Variants in NRP1 observed in about 807,000 individuals in gnomAD.
NRP1 encodes the protein neuropilin 1, also known as neuropilin-1.
NRP1 carries 35 observed loss-of-function variants against 106.7 expected under a neutral mutation model. The observed-to-expected ratio is 0.33, with a 90% CI of 0.25 to 0.43. The LOEUF (loss-of-function observed/expected upper bound fraction) is 0.43, where lower values mean the gene tolerates loss of function less well. Ranked by LOEUF, NRP1 falls within the 20% of genes least tolerant of loss-of-function variation. NRP1 has a pLI of 1.00. For missense variants in NRP1, 1,024 were observed against 1,170.4 expected (o/e 0.87, Z 1.83); for synonymous variants, 437 against 417.9 (o/e 1.05, Z -0.56).
intron 2 of NRP1, among the ~76,000 whole-genome samples, chr10:33,308,555 C>T (rs531324771): frequency 1.3e-5 from 2 of 152,028 alleles, no homozygotes; most frequent in African/African-American, 2.4e-5. Flanking sequence ...GGCGCGATCT[C>T]GGCTCACTGC....
chr10:33,313,413 G>C (rs988163302), intron 2 of NRP1, among the ~76,000 whole-genome samples: 1 of 152,032 alleles, frequency 6.6e-6, no homozygotes, highest in African/African-American at 2.4e-5. Flanking sequence ...TCAGCTGTCA[G>C]AAAAGACATC....
chr10:33,286,072 C>T (rs1384040072), intron 2 of NRP1, among the ~76,000 whole-genome samples: 1 of 152,176 alleles, frequency 6.6e-6, no homozygotes, highest in Non-Finnish European at 1.5e-5. Flanking sequence ...GCATGACAGC[C>T]TTACAGTTAT....
intron 6 of NRP1, among the ~76,000 whole-genome samples, chr10:33,244,034 T>C (rs1044857080): frequency 2.6e-5 from 4 of 151,782 alleles, no homozygotes; most frequent in African/African-American, 9.7e-5. Context: ...TGGATCAAAA[T>C]TGCCATTTTG....
At chr10:33,225,543 G>C (rs1352274956) in intron 7 of NRP1, among the ~76,000 whole-genome samples, 1 of 152,192 alleles carries the variant, frequency 6.6e-6, no homozygotes, top group Non-Finnish European at 1.5e-5. Flanking sequence ...AAATGAGCTA[G>C]GGCAGAGCGC....
chr10:33,280,975 GA>G (rs1364391424), intron 2 of NRP1, among the ~76,000 whole-genome samples: 247 of 106,714 alleles, frequency 2.3e-3, no homozygotes, highest in East Asian at 5.9e-3. Flanking sequence ...TGTCTCAAAA[GA>G]AAAAAAAAAA....
At chr10:33,321,767 C>G (rs545122712) in intron 2 of NRP1, among the ~76,000 whole-genome samples, 1 of 152,260 alleles carries the variant, frequency 6.6e-6, no homozygotes, top group East Asian at 1.9e-4. Flanking sequence ...TTGCTATCTT[C>G]GGCTATTCTG....
In NRP1 at chr10:33,200,420, C is replaced by T. The variant is rs551332059; in HGVS notation, c.1864+2471G>A. The stretch of plus-strand genomic sequence containing the variant: ...ATTTCCATGCATTTGGTACAGTACA[C>T]CTGGAATTTGGTGTGGTTTGTAAGT... On this transcript the variant is annotated intron_variant, in intron 11 of 16. Coordinates refer to ENST00000374867, the MANE Select transcript of NRP1 (RefSeq NM_003873.7). Among the ~76,000 whole-genome samples, 6 of 152,258 alleles carry T rather than the reference C, an allele frequency of 3.9e-5. No homozygotes were observed. The East Asian group carries it at 9.6e-4, about 24-fold the overall frequency.
At chr10:33,204,155 A>T (rs983849505) in intron 10 of NRP1, among the ~76,000 whole-genome samples, 1 of 152,108 alleles carries the variant, frequency 6.6e-6, no homozygotes, top group Non-Finnish European at 1.5e-5. Context: ...ATGGCTGAGA[A>T]CCATACAAGA....
At chr10:33,312,453 C>T (rs138324936) in intron 2 of NRP1, among the ~76,000 whole-genome samples, 30 of 152,284 alleles carry the variant, frequency 2.0e-4, no homozygotes, top group African/African-American at 7.0e-4. Flanking sequence ...CAAAGAGCTT[C>T]GAAATGATGA....
At chr10:33,328,676 G>A (rs1473106369) in intron 2 of NRP1, among the ~76,000 whole-genome samples, 1 of 152,130 alleles carries the variant, frequency 6.6e-6, no homozygotes, top group Admixed American at 6.5e-5. Flanking sequence ...ACATTTCTTT[G>A]CTAGTCTGGG....
At chr10:33,216,556 C>A (rs867170435) in intron 8 of NRP1, among the ~76,000 whole-genome samples, 1 of 152,096 alleles carries the variant, frequency 6.6e-6, no homozygotes, top group African/African-American at 2.4e-5. Flanking sequence ...TGGCCTCAAG[C>A]AATCCTCCCA....
chr10:33,253,893 T>C, intron 6 of NRP1, 135 bp downstream of exon 6: 1 of 682,674 alleles, frequency 1.5e-6, no homozygotes, highest in Non-Finnish European at 2.4e-6. Context: ...TCTCTTGCAG[T>C]GATTTATACC....
At position 33,179,317 on chromosome 10, in the gene NRP1, A is replaced by G. The variant is rs1451742531; in HGVS notation, c.*759T>C. ...AATGTAACACAATGAACCAGTACAA[A>G]CAAAAAGGCACTTGAGAGGACATAG... On this transcript the variant is annotated 3_prime_UTR_variant, in exon 17 of 17. Transcript: ENST00000374867. 1.3e-5 allele frequency: 2 copies of G among 152,640 alleles called. No homozygotes were observed. The highest frequency in any genetic ancestry group is 2.4e-5 in the African/African-American group (1 of 41,440). 9.5% of individuals were successfully genotyped at this position (152,640 alleles called of 1,614,324 possible).
intron 4 of NRP1, among the ~76,000 whole-genome samples, chr10:33,260,665 A>G (rs1378983977): frequency 6.6e-6 from 1 of 152,200 alleles, no homozygotes; most frequent in Non-Finnish European, 1.5e-5. Flanking sequence ...CAGAGTTGCT[A>G]CTTGTGAATC....
intron 2 of NRP1, among the ~76,000 whole-genome samples, chr10:33,312,028 T>C (rs1846641233): frequency 6.6e-6 from 1 of 152,210 alleles, no homozygotes; most frequent in African/African-American, 2.4e-5. Context: ...TAGAAGTTAG[T>C]CCTCTGTTGA....
chr10:33,282,286 C>G (rs1305039537), intron 2 of NRP1, among the ~76,000 whole-genome samples: 1 of 152,172 alleles, frequency 6.6e-6, no homozygotes, highest in African/African-American at 2.4e-5. Context: ...GGTGCAATTT[C>G]CAGTTCTGGA....
In NRP1 at chr10:33,226,416, G is replaced by A. The variant is rs561486562; in HGVS notation, c.982-127C>T. On this transcript the variant is annotated intron_variant, in intron 6 of 16. Transcript: ENST00000374867. ...GGATCAACAGGGCCTCATTCCATCGGGTGTCCACAGTCCCTGACTCCTCCC... is the reference window on the plus strand; with the variant it reads ...GGATCAACAGGGCCTCATTCCATCGAGTGTCCACAGTCCCTGACTCCTCCC... 5.5e-5 allele frequency: 50 copies of A among 910,928 alleles called. No individual in the cohort carries two copies. The African/African-American group carries it at 7.2e-4, about 13-fold the overall frequency. The allele number at this position is 910,928 out of a possible 1,614,324, so 56.4% of individuals were successfully genotyped here. A position where few individuals can be genotyped will look rare whatever the true frequency, so the allele number is the denominator to read the frequency against.
intron 6 of NRP1, among the ~76,000 whole-genome samples, chr10:33,226,883 CTGAT>C (rs1839717295): frequency 6.6e-6 from 1 of 152,152 alleles, no homozygotes; most frequent in Non-Finnish European, 1.5e-5. Flanking sequence ...TTCTATGTAT[CTGAT>C]TGATGTCTCA....
intron 1 of NRP1, among the ~76,000 whole-genome samples, chr10:33,332,338 G>A (rs1257571195): frequency 6.6e-6 from 1 of 152,198 alleles, no homozygotes; most frequent in East Asian, 1.9e-4. Context: ...ACTCTGTTAT[G>A]TGATTCTGCT....
Sources: allele counts gnomAD v4.1 joint callset (sites outside exome capture counted in the v4.1 genomes callset), GRCh38; gene constraint gnomAD v4.1.1; transcripts MANE v1.5; gene names NCBI Gene and HGNC (gene_info 2026-07-23, HGNC 2026-07-21).